NUP93: variants seen among roughly 807,000 people sequenced by gnomAD.
NUP93 encodes the protein nuclear pore complex protein Nup93.
In NUP93, 55 loss-of-function variants were observed where a neutral mutation model predicts 107.8. The observed-to-expected ratio is 0.51, with a 90% confidence interval of 0.41 to 0.64. NUP93 has a LOEUF of 0.64. Among genes scored for constraint, NUP93 ranks in the 30% least tolerant of loss-of-function variants. NUP93 has a pLI of 0.00. For missense variants in NUP93, 937 were observed against 1,044.7 expected, an observed-to-expected ratio of 0.90 and a Z score of 1.42; for synonymous variants, 390 against 397.5, an observed-to-expected ratio of 0.98 and a Z score of 0.22.
intron 1 of NUP93, among the ~76,000 whole-genome samples, chr16:56,746,799 A>G (rs1345496712): frequency 6.6e-6 from 1 of 152,186 alleles, no homozygotes; most frequent in African/African-American, 2.4e-5. Context: ...AATCCCAGCT[A>G]CTTGGGAGAC....
rs1029418429 is a variant in NUP93 at position 56,845,544 on chromosome 16, T to G, written c.*935T>G. 6.6e-6 allele frequency: 1 copy of G among 152,380 alleles called. No homozygotes were observed. Among genetic ancestry groups the G allele is most frequent in the South Asian group, 2.1e-4 (1 of 4,834 alleles). 9.4% of individuals were successfully genotyped at this position (152,380 alleles called of 1,614,324 possible). ...GGGTGTTTGCTCCCTGAGCAGTAGT[T>G]GTCACCCATCATTTGCTCTGTTTCC... is the stretch of plus-strand genomic sequence containing the variant. On this transcript the variant is annotated 3_prime_UTR_variant, in exon 22 of 22. Transcript: ENST00000308159.
intron 7 of NUP93, 117 bp from the exon 8 acceptor site, chr16:56,823,590 G>A (rs1425987811): frequency 8.4e-7 from 1 of 1,194,474 alleles, no homozygotes; most frequent in Non-Finnish European, 1.2e-6. Flanking sequence ...ACAGACAGAT[G>A]ACATTAACCT....
chr16:56,842,717 G>A (rs958572713), intron 21 of NUP93: 11 of 400,504 alleles, frequency 2.7e-5, no homozygotes, highest in Admixed American at 9.4e-5. Flanking sequence ...CACACCCAGC[G>A]GAGTTTTGTA....
intron 8 of NUP93, among the ~76,000 whole-genome samples, chr16:56,827,069 A>AAAAAAAAAAAAAAAAAAACAAT (rs1430722800): frequency 8.0e-6 from 1 of 125,664 alleles, no homozygotes; most frequent in Non-Finnish European, 1.7e-5. Flanking sequence ...AAAAAAAAAA[A>AAAAAAAAAAAAAAAAAAACAAT]TTTTGTTGAG....
chr16:56,816,693 C>T (rs994707638), intron 5 of NUP93, among the ~76,000 whole-genome samples: 20 of 152,050 alleles, frequency 1.3e-4, no homozygotes, highest in African/African-American at 4.6e-4. Context: ...GTGTGCCATT[C>T]CTTGATGTAG....
chr16:56,837,983 C>T (rs983157329), intron 18 of NUP93, among the ~76,000 whole-genome samples: 1 of 152,196 alleles, frequency 6.6e-6, no homozygotes, highest in South Asian at 2.1e-4. Flanking sequence ...TTTAATCATG[C>T]ACATAAAGCT....
At chr16:56,819,238 G>A (rs183812791) in intron 6 of NUP93, among the ~76,000 whole-genome samples, 30 of 152,242 alleles carry the variant, frequency 2.0e-4, no homozygotes, top group Non-Finnish European at 3.2e-4. Context: ...GATGAGGACC[G>A]CCCAATAGTA....
chr16:56,797,499 T>TA (rs1456449934), intron 3 of NUP93, among the ~76,000 whole-genome samples: 3 of 152,222 alleles, frequency 2.0e-5, no homozygotes, highest in African/African-American at 7.2e-5. Context: ...GCACTCTGTA[T>TA]ATCTGTCTGT....
intron 5 of NUP93, among the ~76,000 whole-genome samples, chr16:56,808,708 CATATATAAAT>C (rs1461763392): frequency 2.9e-5 from 2 of 67,848 alleles, no homozygotes; most frequent in Non-Finnish European, 4.9e-5. Context: ...TATAAAAATA[CATATATAAAT>C]ATATATAAAT....
chr16:56,790,991 T>G (rs1255497750), intron 3 of NUP93, among the ~76,000 whole-genome samples: 1 of 152,222 alleles, frequency 6.6e-6, no homozygotes, highest in African/African-American at 2.4e-5. Context: ...GTGTTGATGT[T>G]ATTTTGATTT....
chr16:56,802,075 C>T (rs1424763863), intron 4 of NUP93, among the ~76,000 whole-genome samples: 1 of 152,182 alleles, frequency 6.6e-6, no homozygotes, highest in African/African-American at 2.4e-5. Flanking sequence ...TGTGCTCACC[C>T]CGTGTTGCAG....
At position 56,833,321 on chromosome 16, in the gene NUP93, G is replaced by T; in HGVS notation, c.1452G>T (p.Arg484=). 2 of 1,607,350 alleles carry T rather than the reference G, an allele frequency of 1.2e-6. No individual in the cohort carries two copies. The highest frequency in any genetic ancestry group is 1.7e-6 in the Non-Finnish European group (2 of 1,177,698). The part of the protein sequence containing the change: ...AAVAFLFRME[R]LRCHAVHVAL... ...TTGCCTTTCTTTTCCGCATGGAGCG[G>T]CTGCGCTGCCATGCTGTCCATGTAG... The change falls in exon 13 of 22, where the codon CGG becomes CGT. Residue 484 remains arginine (R), a synonymous_variant. Coordinates refer to ENST00000308159, the MANE Select transcript of NUP93 (RefSeq NM_014669.5).
chr16:56,759,894 GT>G (rs1367158572), intron 3 of NUP93, among the ~76,000 whole-genome samples: 1 of 152,048 alleles, frequency 6.6e-6, no homozygotes, highest in Non-Finnish European at 1.5e-5. Context: ...AAAACAAAGT[GT>G]TTTTTACATT....
intron 8 of NUP93, among the ~76,000 whole-genome samples, chr16:56,825,791 T>C (rs1352138105): frequency 6.6e-6 from 1 of 152,236 alleles, no homozygotes; most frequent in Non-Finnish European, 1.5e-5. Flanking sequence ...TTTTTCACTC[T>C]AGTGGCATCA....
intron 10 of NUP93, 160 bp from the exon 11 acceptor site, chr16:56,831,682 A>C: frequency 1.5e-6 from 1 of 662,512 alleles, no homozygotes; most frequent in Non-Finnish European, 2.5e-6. Flanking sequence ...GGTTAAAGCG[A>C]TGGTACCGAG....
intron 1 of NUP93, among the ~76,000 whole-genome samples, chr16:56,732,443 A>G (rs1052666055): frequency 6.6e-6 from 1 of 152,240 alleles, no homozygotes; most frequent in Admixed American, 6.5e-5. Context: ...AAGCACAGAT[A>G]GGAAGTGTGA....
chr16:56,838,409 A>G (rs775771655), intron 18 of NUP93, among the ~76,000 whole-genome samples: 4 of 152,228 alleles, frequency 2.6e-5, no homozygotes, highest in Non-Finnish European at 4.4e-5. Context: ...ATGATGATCA[A>G]GGCTGGAGAA....
At chr16:56,829,142 AC>A (rs1459869005) in intron 9 of NUP93, 33 bp downstream of exon 9, 1 of 1,602,822 alleles carries the variant, frequency 6.2e-7, no homozygotes, top group East Asian at 2.2e-5. Context: ...GATCAGTTAC[AC>A]CCCCAGAGCA....
At chr16:56,742,997 T>A (rs750736055) in intron 1 of NUP93, among the ~76,000 whole-genome samples, 1 of 152,234 alleles carries the variant, frequency 6.6e-6, no homozygotes, top group Non-Finnish European at 1.5e-5. Flanking sequence ...TATAACAGAT[T>A]AAGATTCAGA....
Sources: gnomAD v4.1 joint callset for allele counts (sites outside exome capture counted in the v4.1 genomes callset) on GRCh38, gnomAD v4.1.1 for gene constraint, MANE v1.5 for transcripts, NCBI Gene and HGNC (gene_info 2026-07-23, HGNC 2026-07-21) for gene names.